The following RTN1 variants were observed in gnomAD, a reference collection of about 807,000 sequenced individuals.
RTN1 encodes reticulon 1, also known as reticulon-1.
A neutral mutation model predicts 65.5 loss-of-function variants in RTN1; 25 were observed. That is an observed-to-expected ratio of 0.38 (90% CI 0.28 to 0.53). The LOEUF (loss-of-function observed/expected upper bound fraction) is 0.53. Ranked by LOEUF, RTN1 falls within the 20% of genes least tolerant of loss-of-function variation. The pLI, the probability that RTN1 is intolerant of heterozygous loss-of-function variation, is 0.79. For missense variants in RTN1, 983 were observed against 1,025.4 expected (o/e 0.96, Z 0.57); for synonymous variants, 471 against 447.6 (o/e 1.05, Z -0.66).
intron 1 of RTN1, among the ~76,000 whole-genome samples, chr14:59,785,377 C>T (rs147920865): frequency 9.9e-5 from 15 of 152,206 alleles, no homozygotes; most frequent in African/African-American, 3.6e-4. Flanking sequence ...AATTTGAGTG[C>T]CTCATAATGT....
chr14:59,623,893 T>C (rs1339192123), intron 3 of RTN1, among the ~76,000 whole-genome samples: 1 of 152,184 alleles, frequency 6.6e-6, no homozygotes, highest in African/African-American at 2.4e-5. Flanking sequence ...TATGTTCTTC[T>C]TGATGCCAAT....
In RTN1 at chr14:59,727,843, C is replaced by G; in HGVS notation, c.1016-175G>C. 1 of 901,362 alleles carries G rather than the reference C, an allele frequency of 1.1e-6. No individual in the cohort carries two copies. The highest frequency in any genetic ancestry group is 1.6e-6 in the Non-Finnish European group (1 of 631,686). The allele number at this position is 901,362 out of a possible 1,614,324, so 55.8% of individuals were successfully genotyped here. ...TGTTTCCAGGGCTATGCTGGAAAGA[C>G]AGGCCACCTGAACTAAAAGGCTAAT... On this transcript the variant is annotated intron_variant, in intron 2 of 8. Coordinates refer to ENST00000267484, the MANE Select transcript of RTN1 (RefSeq NM_021136.3). The surrounding 1 kb of genome is among the most constrained non-coding windows in gnomAD (Gnocchi z 4.2).
intron 3 of RTN1, among the ~76,000 whole-genome samples, chr14:59,713,402 A>G (rs539810546): frequency 1.3e-5 from 2 of 152,264 alleles, no homozygotes; most frequent in African/African-American, 4.8e-5. Context: ...GATGAGAACA[A>G]TCTACTCTTT....
intron 3 of RTN1, among the ~76,000 whole-genome samples, chr14:59,626,320 G>T (rs1025648306): frequency 6.6e-6 from 1 of 152,156 alleles, no homozygotes; most frequent in South Asian, 2.1e-4. Context: ...AAAAAAGATT[G>T]CCTTTAGGTT....
rs113076573 is a variant in RTN1 at position 59,816,220 on chromosome 14, C to T, written c.241+54170G>A. Among the ~76,000 whole-genome samples the T allele has an allele frequency of 2.0e-5, 3 of 151,778 alleles. No individual in the cohort carries two copies. Among genetic ancestry groups the T allele is most frequent in the Non-Finnish European group, 4.4e-5 (3 of 67,964 alleles). ...ACACACACACACACAAGCTTGCGTG[C>T]GTGCACACACACAGACACACACACA... On this transcript the variant is annotated intron_variant, in intron 1 of 8. Coordinates refer to ENST00000267484, the MANE Select transcript of RTN1 (RefSeq NM_021136.3). The surrounding 1 kb of genome is among the most constrained non-coding windows in gnomAD (Gnocchi z 4.3).
At chr14:59,669,278 A>G (rs1270701763) in intron 3 of RTN1, among the ~76,000 whole-genome samples, 3 of 152,230 alleles carry the variant, frequency 2.0e-5, no homozygotes, top group Non-Finnish European at 2.9e-5. Context: ...TGCAGCCATA[A>G]AAAAGGATGG....
At chr14:59,608,155 TA>T (rs1008720354) in intron 3 of RTN1, among the ~76,000 whole-genome samples, 36 of 151,312 alleles carry the variant, frequency 2.4e-4, no homozygotes, top group East Asian at 3.9e-4. Flanking sequence ...TCCCGGGATA[TA>T]AAAAAAAATA....
At chr14:59,613,038 C>A (rs917225186) in intron 3 of RTN1, among the ~76,000 whole-genome samples, 1 of 152,180 alleles carries the variant, frequency 6.6e-6, no homozygotes, top group African/African-American at 2.4e-5. Context: ...TCCCCCCATA[C>A]TTAGCTTCTA....
intron 1 of RTN1, among the ~76,000 whole-genome samples, chr14:59,855,154 T>C (rs986318370): frequency 1.3e-5 from 2 of 152,208 alleles, no homozygotes; most frequent in African/African-American, 4.8e-5. Context: ...GAATACTCAA[T>C]GAACATTTGA....
At chr14:59,782,320 G>A (rs945108236) in intron 1 of RTN1, among the ~76,000 whole-genome samples, 1 of 152,174 alleles carries the variant, frequency 6.6e-6, no homozygotes, top group African/African-American at 2.4e-5. Flanking sequence ...ATTGTTACTG[G>A]AAGATAGTCA....
chr14:59,815,786 T>G (rs1329424142), intron 1 of RTN1, among the ~76,000 whole-genome samples: 1 of 152,180 alleles, frequency 6.6e-6, no homozygotes, highest in Non-Finnish European at 1.5e-5. Flanking sequence ...TTTCAATACC[T>G]GACCTCCCTT....
At chr14:59,616,718 T>C (rs1469744876) in intron 3 of RTN1, among the ~76,000 whole-genome samples, 1 of 152,224 alleles carries the variant, frequency 6.6e-6, no homozygotes, top group Admixed American at 6.5e-5. Context: ...AGACATTTTG[T>C]CTTGCTTTGG....
chr14:59,806,266 A>G (rs1180340643), intron 1 of RTN1, among the ~76,000 whole-genome samples: 1 of 150,958 alleles, frequency 6.6e-6, no homozygotes, highest in Non-Finnish European at 1.5e-5. Flanking sequence ...TTATTATTAT[A>G]TATATTTGAC....
Position 59,605,525 on chromosome 14 carries a change from C to T in RTN1, c.1974-19G>A, listed in dbSNP as rs1469175095. The T allele has an allele frequency of 6.2e-7, 1 of 1,612,616 alleles. No individual in the cohort carries two copies. The highest frequency in any genetic ancestry group is 8.5e-7 in the Non-Finnish European group (1 of 1,179,500). On this transcript the variant is annotated intron_variant, in intron 4 of 8. Coordinates refer to ENST00000267484, the MANE Select transcript of RTN1 (RefSeq NM_021136.3). ...GTAGGCCCTGTCAACAAACCATTCCCACAGAAAATTCCGTCAGAGGGAATC... is the reference window on the plus strand; with the variant it reads ...GTAGGCCCTGTCAACAAACCATTCCTACAGAAAATTCCGTCAGAGGGAATC...
chr14:59,850,443 G>A (rs1356544509), intron 1 of RTN1, among the ~76,000 whole-genome samples: 1 of 152,162 alleles, frequency 6.6e-6, no homozygotes, highest in Admixed American at 6.5e-5. Flanking sequence ...GGTTGTATGG[G>A]TACACAAAGT....
intron 3 of RTN1, among the ~76,000 whole-genome samples, chr14:59,699,163 T>C (rs1012656808): frequency 6.6e-6 from 1 of 152,070 alleles, no homozygotes; most frequent in Admixed American, 6.6e-5. Flanking sequence ...TCTTTTATCC[T>C]TTGAGCGCAG....
rs75809856 is a variant in RTN1, at chr14:59,688,751, G to C, written c.1765+38168C>G. On this transcript the variant is annotated intron_variant, in intron 3 of 8. Transcript: ENST00000267484. ...CTCTGTAATCACATCCTCCAGGGAG[G>C]GGGTGAAAGGGAAAGGGAAAGAAAG... Among the ~76,000 whole-genome samples, 463 of 152,188 alleles carry C rather than the reference G, an allele frequency of 3.0e-3. 9 individuals carry two copies. The East Asian group carries it at 0.063, about 21-fold the overall frequency.
At chr14:59,838,200 T>G (rs1238045816) in intron 1 of RTN1, among the ~76,000 whole-genome samples, 1 of 152,084 alleles carries the variant, frequency 6.6e-6, no homozygotes, top group Non-Finnish European at 1.5e-5. Context: ...GAACACGGAG[T>G]ATTTGGTTTT....
intron 1 of RTN1, among the ~76,000 whole-genome samples, chr14:59,827,158 G>A (rs150554737): frequency 0.012 from 1,861 of 152,032 alleles, 36 homozygotes; most frequent in African/African-American, 0.041. Context: ...GGCTCACTGC[G>A]AGCTCTGTCT....
Sources: allele counts gnomAD v4.1 joint callset (sites outside exome capture counted in the v4.1 genomes callset), GRCh38; gene constraint gnomAD v4.1.1; non-coding constraint Gnocchi (gnomAD v3.1); transcripts MANE v1.5; gene names NCBI Gene and HGNC (gene_info 2026-07-23, HGNC 2026-07-21).